LY75: variants seen among roughly 807,000 people sequenced by gnomAD.
The protein encoded by LY75 is lymphocyte antigen 75.
A neutral mutation model predicts 231.7 loss-of-function variants in LY75; 185 were observed. The ratio of observed to expected loss-of-function variants is 0.80; its 90% confidence interval spans 0.71 to 0.90. The LOEUF (loss-of-function observed/expected upper bound fraction) is 0.90, where lower values mean the gene tolerates loss of function less well. Ranked by LOEUF, LY75 falls within the 40% of genes least tolerant of loss-of-function variation. LY75 has a pLI of 0.00. For synonymous variants in LY75, 668 were observed against 689.0 expected (o/e 0.97, Z 0.48); for missense variants, 1,947 against 2,050.2 (o/e 0.95, Z 0.97).
rs747381240 is a variant in LY75, at chr2:159,805,092, T to C, written c.5121A>G (p.Ala1707=). The change falls in exon 35 of 35, where the codon GCA becomes GCG. Residue 1707 remains alanine, a synonymous_variant. Transcript: ENST00000263636. ...TAATCTCATCTTCATTCACTCCTTG[T>C]GCATATCGAACTGATGAGAAACCCG... is the stretch of plus-strand genomic sequence containing the variant. ...HLAGFSSVRY[A]QGVNEDEIML... is the part of the protein sequence containing the mutation. 6.2e-7 allele frequency: 1 copy of C among 1,614,158 alleles called. No homozygotes were observed. The highest frequency in any genetic ancestry group is 1.1e-5 in the South Asian group (1 of 91,084).
chr2:159,805,087 C>T lies in LY75; in HGVS notation c.5126G>A (p.Gly1709Glu). Residue 1709 changes from glycine (G) to glutamate (E), a missense_variant, in exon 35 of 35, where the codon GGA (glycine) becomes GAA (glutamate). Gly to Glu is a moderately conservative substitution (Grantham distance 98). Transcript: ENST00000263636. The stretch of plus-strand genomic sequence containing the variant: ...AAGCATAATCTCATCTTCATTCACT[C>T]CTTGTGCATATCGAACTGATGAGAA... Reference protein sequence around the residue: ...AGFSSVRYAQGVNEDEIMLPS... With the variant: ...AGFSSVRYAQEVNEDEIMLPS... 6.2e-7 allele frequency: 1 copy of T among 1,614,134 alleles called. No individual in the cohort carries two copies. The highest frequency in any genetic ancestry group is 8.5e-7 in the Non-Finnish European group (1 of 1,179,988).
chr2:159,887,566 C>CAAAGAAAAAAA (rs1685629941), intron 4 of LY75, among the ~76,000 whole-genome samples: 1 of 103,828 alleles, frequency 9.6e-6, no homozygotes, highest in Non-Finnish European at 1.8e-5. Flanking sequence ...TCAACAACAA[C>CAAAGAAAAAAA]AAAAAAAAAA....
chr2:159,840,242 A>G (rs1469469859), intron 25 of LY75, among the ~76,000 whole-genome samples: 1 of 152,060 alleles, frequency 6.6e-6, no homozygotes, highest in Non-Finnish European at 1.5e-5. Context: ...GAAGTACTAG[A>G]TCTTTCAATA....
At chr2:159,873,443 T>A (rs1437467355) in intron 12 of LY75, among the ~76,000 whole-genome samples, 1 of 152,144 alleles carries the variant, frequency 6.6e-6, no homozygotes, top group Non-Finnish European at 1.5e-5. Context: ...TGATATACCA[T>A]GAGAACAACA....
intron 30 of LY75, among the ~76,000 whole-genome samples, 170 bp from the exon 31 acceptor site, chr2:159,815,743 A>G (rs1004337610): frequency 9.2e-5 from 14 of 152,208 alleles, no homozygotes; most frequent in Non-Finnish European, 1.5e-5. Flanking sequence ...CTTCTGATGC[A>G]TTGATTTGGG....
Position 159,854,939 on chromosome 2 carries a change from C to T in LY75, c.2384G>A (p.Gly795Asp), listed in dbSNP as rs1301850652. The change falls in exon 17 of 35, where the codon GGC becomes GAC. Residue 795 changes from glycine (G) to aspartate (D), a missense_variant and splice_region_variant. Coordinates refer to ENST00000263636, the MANE Select transcript of LY75 (RefSeq NM_002349.4). ...CCAGTCTGGTGTTTTTGGAGTACGGCCTGTATGAGGAAGAAAGCAAGTGGC... is the reference window on the plus strand; with the variant it reads ...CCAGTCTGGTGTTTTTGGAGTACGGTCTGTATGAGGAAGAAAGCAAGTGGC... ...KLEWVCQIPK[G>D]RTPKTPDWYN... is the part of the protein sequence containing the mutation. 4 of 1,613,638 alleles carry T rather than the reference C, an allele frequency of 2.5e-6. No homozygotes were observed. Among genetic ancestry groups the T allele is most frequent in the East Asian group, 2.2e-5 (1 of 44,822 alleles).
rs751263710 is a variant in LY75 at position 159,858,463 on chromosome 2, G to T, written c.2282C>A (p.Pro761Gln). 1.4e-5 allele frequency: 22 copies of T among 1,611,590 alleles called. No homozygotes were observed. Among genetic ancestry groups the T allele is most frequent in the Non-Finnish European group, 1.7e-5 (20 of 1,179,190 alleles). Residue 761 changes from proline (P) to glutamine (Q), a missense_variant, in exon 16 of 35, where the codon CCA (proline) becomes CAA (glutamine). Pro to Gln is a moderately conservative substitution (Grantham distance 76). Coordinates refer to ENST00000263636, the MANE Select transcript of LY75 (RefSeq NM_002349.4). ...ATAGAAATGCCAGCCTCTTCGCCAT[G>T]GCCTATGAAATACCTATAAGAGGAA... Reference protein sequence around the residue: ...DCAAVKVFHRPWRRGWHFYDD... With the variant: ...DCAAVKVFHRQWRRGWHFYDD...
At chr2:159,887,566 C>CAA (rs369452762) in intron 4 of LY75, among the ~76,000 whole-genome samples, 31 of 103,826 alleles carry the variant, frequency 3.0e-4, no homozygotes, top group East Asian at 5.0e-4. Flanking sequence ...TCAACAACAA[C>CAA]AAAAAAAAAA....
At chr2:159,839,595 G>C (rs545279313) in intron 25 of LY75, among the ~76,000 whole-genome samples, 26 of 152,074 alleles carry the variant, frequency 1.7e-4, no homozygotes, top group African/African-American at 5.6e-4. Context: ...TAGAGACTGG[G>C]GTTTTGCTAT....
intron 12 of LY75, among the ~76,000 whole-genome samples, chr2:159,874,929 AAT>A (rs1445297475): frequency 4.4e-5 from 6 of 137,294 alleles, no homozygotes; most frequent in Non-Finnish European, 6.1e-5. Flanking sequence ...TATATTTATA[AAT>A]ATATATATTG....
In LY75 at chr2:159,817,034, T is replaced by G; in HGVS notation, c.4154-2A>C. The G allele has an allele frequency of 6.3e-7, 1 of 1,587,264 alleles. No homozygotes were observed. The highest frequency in any genetic ancestry group is 1.2e-5 in the South Asian group (1 of 86,118). Reference sequence around the variant, plus strand: ...TATTATATTCTTCTTTGTAGTCAACTATAATAATTAAAAGCACTGGTGATT... The same window carrying G: ...TATTATATTCTTCTTTGTAGTCAACGATAATAATTAAAAGCACTGGTGATT... On this transcript the variant is annotated splice_acceptor_variant, in intron 29 of 34. Transcript: ENST00000263636. LOFTEE classifies it high-confidence loss of function.
intron 34 of LY75, 112 bp from the exon 35 acceptor site, chr2:159,805,334 A>T (rs924638177): frequency 1.4e-5 from 9 of 664,946 alleles, no homozygotes; most frequent in Admixed American, 2.9e-5. Flanking sequence ...GTATACAGAC[A>T]TAATAAATCT....
chr2:159,828,524 C>A lies in LY75; in HGVS notation c.3958+3146G>T, dbSNP rs1683549091. Reference sequence around the variant, plus strand: ...AATGTTGGCATCGATACGGAGAAATCAGTACTCTCATATACCGGGAATGGA... The same window carrying A: ...AATGTTGGCATCGATACGGAGAAATAAGTACTCTCATATACCGGGAATGGA... On this transcript the variant is annotated intron_variant, in intron 28 of 34. Transcript: ENST00000263636. Among the ~76,000 whole-genome samples, 3 of 152,026 alleles carry A rather than the reference C, an allele frequency of 2.0e-5. No individual in the cohort carries two copies. The South Asian group carries it at 6.2e-4, about 32-fold the overall frequency.
chr2:159,860,464 C>A (rs1202871290), intron 15 of LY75, among the ~76,000 whole-genome samples: 1 of 152,132 alleles, frequency 6.6e-6, no homozygotes, highest in Non-Finnish European at 1.5e-5. Context: ...AAAAACCTTA[C>A]CCTATCCCAT....
At chr2:159,836,858 C>A (rs1055252835) in intron 25 of LY75, among the ~76,000 whole-genome samples, 2 of 152,216 alleles carry the variant, frequency 1.3e-5, no homozygotes, top group African/African-American at 4.8e-5. Context: ...TGCTGCACTC[C>A]CCACCTAACC....
chr2:159,896,809 C>T (rs1160495767), intron 2 of LY75, among the ~76,000 whole-genome samples: 1 of 152,136 alleles, frequency 6.6e-6, no homozygotes, highest in African/African-American at 2.4e-5. Flanking sequence ...GTACCAGTCA[C>T]CCAGACAGAA....
In LY75 at chr2:159,804,205, T is replaced by A. The variant is rs1008845464; in HGVS notation, c.*839A>T. On this transcript the variant is annotated 3_prime_UTR_variant, in exon 35 of 35. Transcript: ENST00000263636. ...ATAAGAAACATCTTGCCAAGAGGAA[T>A]CATTTTGCTATATAAAAAGTAAGCA... The A allele has an allele frequency of 3.9e-5, 6 of 152,168 alleles. No homozygotes were observed. The highest frequency in any genetic ancestry group is 1.4e-4 in the African/African-American group (6 of 41,444). The allele number at this position is 152,168 out of a possible 1,614,324, so 9.4% of individuals were successfully genotyped here. A position where few individuals can be genotyped will look rare whatever the true frequency, so the allele number is the denominator to read the frequency against.
chr2:159,850,885 A>G (rs1276417082), intron 21 of LY75, among the ~76,000 whole-genome samples: 5 of 145,738 alleles, frequency 3.4e-5, no homozygotes, highest in African/African-American at 1.3e-4. Flanking sequence ...AAGATCTCTC[A>G]TTTATTGAGT....
chr2:159,853,219 C>A (rs76133700), intron 20 of LY75, 54 bp downstream of exon 20: 9 of 1,529,646 alleles, frequency 5.9e-6, no homozygotes, highest in Non-Finnish European at 8.0e-6. Context: ...AGAAACTGAA[C>A]CTGAACTTCA....
Sources: gnomAD v4.1 joint callset for allele counts (sites outside exome capture counted in the v4.1 genomes callset) on GRCh38, gnomAD v4.1.1 for gene constraint, MANE v1.5 for transcripts, NCBI Gene and HGNC (gene_info 2026-07-23, HGNC 2026-07-21) for gene names.